CAMK1D: variants seen among roughly 807,000 people sequenced by gnomAD.
CAMK1D encodes the protein calcium/calmodulin dependent protein kinase ID, also known as calcium/calmodulin-dependent protein kinase type 1D.
CAMK1D carries 9 observed loss-of-function variants against 47.7 expected under a neutral mutation model. The ratio of observed to expected loss-of-function variants is 0.19; its 90% CI spans 0.11 to 0.33. CAMK1D has a LOEUF of 0.33. Ranked by LOEUF, CAMK1D falls within the 10% of genes least tolerant of loss-of-function variation. The pLI is 1.00. For missense variants in CAMK1D, 291 were observed against 488.7 expected (o/e 0.60, Z 3.81); for synonymous variants, 184 against 184.9 (o/e 0.99, Z 0.04).
intron 1 of CAMK1D, among the ~76,000 whole-genome samples, chr10:12,518,894 C>T (rs1156445470): frequency 7.7e-6 from 1 of 129,300 alleles, no homozygotes; most frequent in East Asian, 2.1e-4. Context: ...CTTCTTTCTA[C>T]ACAGACCCGG....
chr10:12,728,949 C>T (rs1420718292), intron 3 of CAMK1D, among the ~76,000 whole-genome samples: 3 of 152,114 alleles, frequency 2.0e-5, no homozygotes, highest in Admixed American at 1.3e-4. Context: ...CTGAAATGAA[C>T]GATAACTACT....
chr10:12,360,888 G>A (rs887007290), intron 1 of CAMK1D, among the ~76,000 whole-genome samples: 1 of 152,160 alleles, frequency 6.6e-6, no homozygotes, highest in Non-Finnish European at 1.5e-5. Context: ...GGGCCAGGCC[G>A]GGACTGCAGA....
chr10:12,692,842 T>C (rs894411225), intron 3 of CAMK1D, among the ~76,000 whole-genome samples: 1 of 152,180 alleles, frequency 6.6e-6, no homozygotes, highest in African/African-American at 2.4e-5. Context: ...CGTCTTCTAA[T>C]GTTGTAGGTA....
At chr10:12,599,726 G>C (rs1838246849) in intron 2 of CAMK1D, among the ~76,000 whole-genome samples, 1 of 152,166 alleles carries the variant, frequency 6.6e-6, no homozygotes, top group African/African-American at 2.4e-5. Flanking sequence ...TGGCATTTGG[G>C]TCATAGTGCA....
chr10:12,456,723 C>A (rs560706245), intron 1 of CAMK1D: 4 of 125,048 alleles, frequency 3.2e-5, no homozygotes, highest in African/African-American at 8.9e-5. Flanking sequence ...GCTATGATTG[C>A]GCCACTGCAG....
At chr10:12,555,491 G>A (rs2815627) in intron 2 of CAMK1D, among the ~76,000 whole-genome samples, 1 of 152,108 alleles carries the variant, frequency 6.6e-6, no homozygotes, top group Non-Finnish European at 1.5e-5. Flanking sequence ...GTTGTCCTGA[G>A]GAGGATTGCA....
intron 2 of CAMK1D, among the ~76,000 whole-genome samples, chr10:12,581,355 GC>G (rs1837659033): frequency 6.6e-6 from 1 of 152,122 alleles, no homozygotes; most frequent in African/African-American, 2.4e-5. Context: ...ACATGCATGT[GC>G]AAGTATGTTT....
chr10:12,734,340 AAAAAAAT>A (rs1835035011), intron 3 of CAMK1D, among the ~76,000 whole-genome samples: 2 of 27,806 alleles, frequency 7.2e-5, no homozygotes, highest in Non-Finnish European at 1.3e-4. Flanking sequence ...AAAAAAAAAA[AAAAAAAT>A]ATATATATAT....
chr10:12,426,180 G>A (rs1350675531), intron 1 of CAMK1D, among the ~76,000 whole-genome samples: 1 of 152,212 alleles, frequency 6.6e-6, no homozygotes, highest in East Asian at 1.9e-4. Context: ...CTGGTAATGG[G>A]AAGCTCATCC....
chr10:12,406,434 G>C (rs1171092839), intron 1 of CAMK1D, among the ~76,000 whole-genome samples: 2 of 152,098 alleles, frequency 1.3e-5, no homozygotes, highest in African/African-American at 4.8e-5. Flanking sequence ...CTGTTGGCCA[G>C]ATGTGGTGGC....
intron 2 of CAMK1D, among the ~76,000 whole-genome samples, chr10:12,582,769 A>T (rs1554792265): frequency 6.6e-6 from 1 of 152,142 alleles, no homozygotes; most frequent in Non-Finnish European, 1.5e-5. Flanking sequence ...GTGCTTTTTA[A>T]TTTTAAGTCC....
chr10:12,472,039 A>G (rs909930490), intron 1 of CAMK1D, among the ~76,000 whole-genome samples: 13 of 151,072 alleles, frequency 8.6e-5, no homozygotes, highest in Non-Finnish European at 1.9e-4. Flanking sequence ...TGTCTCAAAA[A>G]AAAAAAAAAG....
At chr10:12,586,417 C>A (rs1441658508) in intron 2 of CAMK1D, among the ~76,000 whole-genome samples, 1 of 145,656 alleles carries the variant, frequency 6.9e-6, no homozygotes, top group Non-Finnish European at 1.5e-5. Flanking sequence ...CCATTGCACT[C>A]CAGCCTGGGC....
chr10:12,499,426 GA>G (rs200338791), intron 1 of CAMK1D, among the ~76,000 whole-genome samples: 49 of 150,094 alleles, frequency 3.3e-4, no homozygotes, highest in Admixed American at 1.5e-3. Flanking sequence ...AGTTCCTTCT[GA>G]AAAAAAAATC....
chr10:12,558,460 A>G (rs555951084), intron 2 of CAMK1D, among the ~76,000 whole-genome samples: 2 of 152,312 alleles, frequency 1.3e-5, no homozygotes, highest in South Asian at 2.1e-4. Context: ...AGGCTGAGGC[A>G]GGAGAATTGT....
intron 1 of CAMK1D, among the ~76,000 whole-genome samples, chr10:12,362,556 G>GAT: frequency 6.6e-6 from 1 of 152,288 alleles, no homozygotes; most frequent in East Asian, 1.9e-4. Context: ...GGAGTGCAGT[G>GAT]GCGCCATCTC....
chr10:12,690,752 G>C (rs555075691), intron 3 of CAMK1D, among the ~76,000 whole-genome samples: 1 of 152,302 alleles, frequency 6.6e-6, no homozygotes, highest in African/African-American at 2.4e-5. Flanking sequence ...GCGTGGTGCG[G>C]GGGTGAGGGT....
intron 2 of CAMK1D, among the ~76,000 whole-genome samples, chr10:12,570,348 G>A (rs968693368): frequency 5.3e-5 from 8 of 152,046 alleles, no homozygotes; most frequent in African/African-American, 1.2e-4. Flanking sequence ...TGTAGATGCC[G>A]TTAATTTTTT....
intron 1 of CAMK1D, among the ~76,000 whole-genome samples, chr10:12,449,308 C>T (rs1032582556): frequency 5.3e-5 from 8 of 152,002 alleles, no homozygotes; most frequent in East Asian, 1.9e-4. Flanking sequence ...TGAAGGGCCC[C>T]GTCGTCTTGT....
Sources: allele counts gnomAD v4.1 joint callset (sites outside exome capture counted in the v4.1 genomes callset), GRCh38; gene constraint gnomAD v4.1.1; transcripts MANE v1.5; gene names NCBI Gene and HGNC (gene_info 2026-07-23, HGNC 2026-07-21).